Variants in NCAM1 observed in about 807,000 individuals in gnomAD.
The protein encoded by NCAM1 is neural cell adhesion molecule 1.
Under a neutral mutation model 109.8 loss-of-function variants are expected in NCAM1, and 14 were observed. That is an observed-to-expected ratio of 0.13 (90% CI 0.08 to 0.20). The LOEUF is 0.20. Among genes scored for constraint, NCAM1 ranks in the 10% least tolerant of loss-of-function variants. The pLI, the probability that NCAM1 is intolerant of heterozygous loss-of-function variation, is 1.00. For missense variants in NCAM1, 774 were observed against 1,109.9 expected, an observed-to-expected ratio of 0.70 and a Z score of 4.30; for synonymous variants, 418 against 442.9, an observed-to-expected ratio of 0.94 and a Z score of 0.70.
intron 1 of NCAM1, among the ~76,000 whole-genome samples, chr11:113,125,375 A>G: frequency 6.6e-6 from 1 of 152,242 alleles, no homozygotes; most frequent in East Asian, 1.9e-4. Context: ...AAATACCAGC[A>G]TATTTCATTT....
intron 1 of NCAM1, among the ~76,000 whole-genome samples, chr11:113,044,154 C>G (rs1555080423): frequency 1.3e-5 from 2 of 152,108 alleles, no homozygotes; most frequent in African/African-American, 4.8e-5. Context: ...CTGGTTCCTT[C>G]CTGTTCACCT....
chr11:113,130,982 G>C (rs1941361574), intron 1 of NCAM1, among the ~76,000 whole-genome samples: 1 of 152,142 alleles, frequency 6.6e-6, no homozygotes, highest in African/African-American at 2.4e-5. Flanking sequence ...AACTACTAGA[G>C]ACCTTTTCTT....
At chr11:112,989,068 T>C (rs1459592426) in intron 1 of NCAM1, among the ~76,000 whole-genome samples, 1 of 152,144 alleles carries the variant, frequency 6.6e-6, no homozygotes, top group Non-Finnish European at 1.5e-5. Flanking sequence ...AATTTGATTA[T>C]AATGTGCCTC....
chr11:113,010,874 T>C (rs1353655484), intron 1 of NCAM1, among the ~76,000 whole-genome samples: 1 of 152,188 alleles, frequency 6.6e-6, no homozygotes, highest in African/African-American at 2.4e-5. Context: ...TATTGTAGAA[T>C]TCAAGAAGCG....
intron 1 of NCAM1, among the ~76,000 whole-genome samples, chr11:113,120,000 G>C (rs1555095718): frequency 6.6e-6 from 1 of 152,194 alleles, no homozygotes; most frequent in Non-Finnish European, 1.5e-5. Context: ...GGAGGATGAA[G>C]ATTTGCATTG....
chr11:112,981,988 A>C (rs1424362497), intron 1 of NCAM1, among the ~76,000 whole-genome samples: 1 of 151,910 alleles, frequency 6.6e-6, no homozygotes, highest in Non-Finnish European at 1.5e-5. Context: ...TCAGACAGAC[A>C]GCTTATTTTA....
chr11:113,038,770 G>A (rs1327452393), intron 1 of NCAM1, among the ~76,000 whole-genome samples: 1 of 152,182 alleles, frequency 6.6e-6, no homozygotes. Flanking sequence ...AGATGTTGAG[G>A]GGGAGAAATG....
intron 1 of NCAM1, among the ~76,000 whole-genome samples, chr11:113,139,478 T>C (rs1555100017): frequency 6.6e-6 from 1 of 152,212 alleles, no homozygotes; most frequent in East Asian, 1.9e-4. Context: ...AAGGAATTAT[T>C]CTTTTTCGTC....
chr11:113,050,475 T>A (rs567379722), intron 1 of NCAM1, among the ~76,000 whole-genome samples: 28 of 152,300 alleles, frequency 1.8e-4, no homozygotes, highest in African/African-American at 6.5e-4. Context: ...CTTTGTGGAA[T>A]ATCAGTTGGT....
At chr11:113,154,778 T>C (rs1421054085) in intron 1 of NCAM1, among the ~76,000 whole-genome samples, 5 of 152,116 alleles carry the variant, frequency 3.3e-5, no homozygotes, top group African/African-American at 7.2e-5. Flanking sequence ...TGTAAGGTCA[T>C]GAGGATAAGA....
chr11:112,965,993 A>G (rs554046314), intron 1 of NCAM1, among the ~76,000 whole-genome samples: 1 of 152,320 alleles, frequency 6.6e-6, no homozygotes, highest in East Asian at 1.9e-4. Context: ...CATCTTATAA[A>G]GGCTCTCCTG....
At chr11:113,089,608 TTC>T (rs1433648287) in intron 1 of NCAM1, among the ~76,000 whole-genome samples, 3 of 152,296 alleles carry the variant, frequency 2.0e-5, no homozygotes, top group Middle Eastern at 3.4e-3. Flanking sequence ...GCTTAGAATT[TTC>T]TCTCTTTCCT....
intron 1 of NCAM1, among the ~76,000 whole-genome samples, chr11:113,020,150 C>T (rs1952341327): frequency 6.6e-6 from 1 of 152,202 alleles, no homozygotes; most frequent in Non-Finnish European, 1.5e-5. Context: ...CCTCCCTTGT[C>T]AACAATGTTT....
At chr11:113,218,714 C>T (rs545562768) in intron 8 of NCAM1, among the ~76,000 whole-genome samples, 3 of 152,242 alleles carry the variant, frequency 2.0e-5, no homozygotes, top group Admixed American at 6.5e-5. Flanking sequence ...TGGTTTAGCT[C>T]GACAACTGAT....
intron 1 of NCAM1, among the ~76,000 whole-genome samples, chr11:113,030,866 A>T (rs1180500073): frequency 6.6e-6 from 1 of 152,152 alleles, no homozygotes. Context: ...AAAAAACCTC[A>T]CCTAGATATT....
At chr11:113,085,898 C>T (rs1555088214) in intron 1 of NCAM1, among the ~76,000 whole-genome samples, 1 of 152,190 alleles carries the variant, frequency 6.6e-6, no homozygotes, top group Admixed American at 6.5e-5. Context: ...GATAATAGCT[C>T]ATCTGGGGTT....
intron 9 of NCAM1, chr11:113,231,208 T>C: frequency 6.5e-7 from 1 of 1,536,168 alleles, no homozygotes; most frequent in South Asian, 1.2e-5. Flanking sequence ...ACATGCACCA[T>C]GGAACTGGCA....
chr11:113,169,013 G>C (rs1555105714), intron 1 of NCAM1, among the ~76,000 whole-genome samples: 2 of 151,262 alleles, frequency 1.3e-5, no homozygotes. Context: ...AGAGGAGAGA[G>C]AAGATCCTCT....
chr11:113,242,858 G>C (rs782254133), intron 14 of NCAM1: 2 of 1,613,920 alleles, frequency 1.2e-6, no homozygotes, highest in Non-Finnish European at 1.7e-6. Flanking sequence ...TGAGTACAGG[G>C]CTGAGTTGCT....
Sources: allele counts gnomAD v4.1 joint callset (sites outside exome capture counted in the v4.1 genomes callset), GRCh38; gene constraint gnomAD v4.1.1; transcripts MANE v1.5; gene names NCBI Gene and HGNC (gene_info 2026-07-23, HGNC 2026-07-21).